ZNF609: variants seen among roughly 807,000 people sequenced by gnomAD.
ZNF609 encodes the protein zinc finger protein 609.
ZNF609 carries 11 observed loss-of-function variants against 109.5 expected under a neutral mutation model. That is an observed-to-expected ratio of 0.10 (90% confidence interval 0.06 to 0.17). The LOEUF (loss-of-function observed/expected upper bound fraction) is 0.17, where lower values mean the gene tolerates loss of function less well. Among genes scored for constraint, ZNF609 ranks in the 10% least tolerant of loss-of-function variants. ZNF609 has a pLI of 1.00. For synonymous variants in ZNF609, 646 were observed against 662.0 expected (o/e 0.98, Z 0.37); for missense variants, 1,559 against 1,772.4 (o/e 0.88, Z 2.16).
chr15:64,664,975 C>CT (rs895131880), intron 3 of ZNF609, among the ~76,000 whole-genome samples: 4 of 152,172 alleles, frequency 2.6e-5, no homozygotes, highest in Admixed American at 1.3e-4. Context: ...ATGCCTATCT[C>CT]TAAGTCTTAC....
rs78997645 is a variant in ZNF609 at position 64,581,537 on chromosome 15, A to G, written c.748-41290A>G. Among the ~76,000 whole-genome samples the G allele has an allele frequency of 2.8e-4, 43 of 152,202 alleles. No homozygotes were observed. In the East Asian group the frequency reaches 8.1e-3, roughly 29 times the overall value. On this transcript the variant is annotated intron_variant, in intron 2 of 9. Coordinates refer to ENST00000326648, the MANE Select transcript of ZNF609 (RefSeq NM_015042.2). ...TGCTGGGTAAGCTCTGAGTCTGGTC[A>G]GATATAGATAACCTTGCAAGTGGGG... is the stretch of plus-strand genomic sequence containing the variant.
intron 2 of ZNF609, among the ~76,000 whole-genome samples, chr15:64,527,161 C>T (rs1027593876): frequency 6.6e-6 from 1 of 150,936 alleles, no homozygotes; most frequent in Non-Finnish European, 1.5e-5. Context: ...CTGTTTAATT[C>T]TTTGGGCTTC....
chr15:64,648,346 G>A (rs965070699), intron 3 of ZNF609, among the ~76,000 whole-genome samples: 1 of 152,062 alleles, frequency 6.6e-6, no homozygotes, highest in Non-Finnish European at 1.5e-5. Flanking sequence ...ATAAAAATTA[G>A]CCAGGCATGG....
chr15:64,495,120 AC>A (rs1893464865), intron 1 of ZNF609, among the ~76,000 whole-genome samples: 1 of 152,156 alleles, frequency 6.6e-6, no homozygotes, highest in Non-Finnish European at 1.5e-5. Flanking sequence ...ATCCCAAAAA[AC>A]AAAACAATTT....
rs1218565636 is a variant in ZNF609 at position 64,685,906 on chromosome 15, CA to C, written c.*4223del. ...GGTATACTCTGAAACACAGCCCAAC[CA>C]AACCATTGTTTGGCCGCTTTCTCTT... On this transcript the variant is annotated 3_prime_UTR_variant, in exon 10 of 10. Transcript: ENST00000326648. The C allele has an allele frequency of 6.6e-6, 1 of 152,212 alleles. No homozygotes were observed. The highest frequency in any genetic ancestry group is 1.9e-4 in the East Asian group (1 of 5,202). The allele number at this position is 152,212 out of a possible 1,614,324, so 9.4% of individuals were successfully genotyped here.
intron 2 of ZNF609, among the ~76,000 whole-genome samples, chr15:64,509,548 G>A (rs1487910433): frequency 6.6e-6 from 1 of 152,192 alleles, no homozygotes; most frequent in African/African-American, 2.4e-5. Flanking sequence ...ATTTATGATA[G>A]CTAATATTCC....
chr15:64,649,563 T>A (rs1896384716), intron 3 of ZNF609, among the ~76,000 whole-genome samples: 1 of 152,230 alleles, frequency 6.6e-6, no homozygotes, highest in Non-Finnish European at 1.5e-5. Flanking sequence ...AGATGAGATC[T>A]GGTGCCACTC....
At chr15:64,562,753 T>A (rs1241591640) in intron 2 of ZNF609, among the ~76,000 whole-genome samples, 2 of 141,828 alleles carry the variant, frequency 1.4e-5, no homozygotes, top group African/African-American at 2.5e-5. Flanking sequence ...AAAAAAAAAA[T>A]TAACTCATAC....
At chr15:64,677,837 C>T (rs1567046178) in intron 5 of ZNF609, among the ~76,000 whole-genome samples, 1 of 152,144 alleles carries the variant, frequency 6.6e-6, no homozygotes, top group South Asian at 2.1e-4. Context: ...AATGCTTGTT[C>T]TTACCTAGAA....
intron 8 of ZNF609, 101 bp downstream of exon 8, chr15:64,680,963 C>T: frequency 7.6e-7 from 1 of 1,312,004 alleles, no homozygotes; most frequent in Non-Finnish European, 1.0e-6. Context: ...CTACCTGCCT[C>T]ATAAGAATCC....
intron 2 of ZNF609, among the ~76,000 whole-genome samples, chr15:64,610,713 A>G (rs1470078981): frequency 6.6e-6 from 1 of 152,150 alleles, no homozygotes; most frequent in Non-Finnish European, 1.5e-5. Context: ...GGCTTATAGC[A>G]GGGAGAATCA....
At chr15:64,463,156 A>C (rs1440120772) in intron 1 of ZNF609, among the ~76,000 whole-genome samples, 2 of 152,194 alleles carry the variant, frequency 1.3e-5, no homozygotes, top group Non-Finnish European at 1.5e-5. Flanking sequence ...GCTACTCAGG[A>C]GGCTGAGGTG....
Position 64,622,873 on chromosome 15 carries a change from T to C in ZNF609, c.794T>C (p.Leu265Ser), listed in dbSNP as rs1895898112. ...CCAGCAGTGCTGCCAATACACCTTT[T>C]GGTGCCAGTGGTCAACAATGACATC... is the stretch of plus-strand genomic sequence containing the variant. The part of the protein sequence containing the change: ...STPAVLPIHL[L>S]VPVVNNDISS... Residue 265 changes from leucine (L) to serine (S), a missense_variant, in exon 3 of 10, where the codon TTG (leucine) becomes TCG (serine). Around this residue, in one of 4 missense-constraint regions of ZNF609, gnomAD observed 291 missense variants for 317.8 expected, o/e 0.92. Coordinates refer to ENST00000326648, the MANE Select transcript of ZNF609 (RefSeq NM_015042.2). 2 of 1,614,154 alleles carry C rather than the reference T, an allele frequency of 1.2e-6. No homozygotes were observed. The highest frequency in any genetic ancestry group is 1.7e-5 in the Admixed American group (1 of 60,012).
At chr15:64,511,860 A>G (rs1893736793) in intron 2 of ZNF609, among the ~76,000 whole-genome samples, 1 of 151,658 alleles carries the variant, frequency 6.6e-6, no homozygotes. Context: ...GATTACAGGC[A>G]CACTCCACCA....
At chr15:64,666,723 G>T (rs1482576265) in intron 3 of ZNF609, among the ~76,000 whole-genome samples, 5 of 151,986 alleles carry the variant, frequency 3.3e-5, no homozygotes, top group Non-Finnish European at 7.4e-5. Flanking sequence ...TCTTGGCCAG[G>T]CTGGCTGGTC....
At chr15:64,584,093 T>C (rs1384999439) in intron 2 of ZNF609, among the ~76,000 whole-genome samples, 2 of 152,112 alleles carry the variant, frequency 1.3e-5, no homozygotes, top group African/African-American at 4.8e-5. Flanking sequence ...TTCATTTTAT[T>C]GAGGTTTTAA....
chr15:64,612,834 G>A (rs1895739096), intron 2 of ZNF609, among the ~76,000 whole-genome samples: 1 of 151,938 alleles, frequency 6.6e-6, no homozygotes, highest in Non-Finnish European at 1.5e-5. Context: ...GGCCAACATG[G>A]TGAAACTCTG....
chr15:64,466,743 CTG>C (rs1454212374), intron 1 of ZNF609, among the ~76,000 whole-genome samples: 2 of 152,196 alleles, frequency 1.3e-5, no homozygotes, highest in Non-Finnish European at 2.9e-5. Context: ...TTTATTAAAA[CTG>C]TTCACAAACC....
chr15:64,679,032 A>G (rs1170903533), intron 6 of ZNF609, among the ~76,000 whole-genome samples: 1 of 152,218 alleles, frequency 6.6e-6, no homozygotes, highest in Non-Finnish European at 1.5e-5. Flanking sequence ...TGCTAGATTC[A>G]GCTTGGAAAA....
Sources: allele counts gnomAD v4.1 joint callset (sites outside exome capture counted in the v4.1 genomes callset), GRCh38; gene constraint gnomAD v4.1.1; regional missense constraint gnomAD v4.1.1; transcripts MANE v1.5; gene names NCBI Gene and HGNC (gene_info 2026-07-23, HGNC 2026-07-21).